SGMS1: variants seen among roughly 807,000 people sequenced by gnomAD.
SGMS1 encodes sphingomyelin synthase 1.
A neutral mutation model predicts 46.2 loss-of-function variants in SGMS1; 13 were observed. That is an observed-to-expected ratio of 0.28 (90% confidence interval 0.18 to 0.45). SGMS1 has a LOEUF of 0.45. SGMS1 is among the 20% of genes least tolerant of loss of function. The probability of loss-of-function intolerance (pLI) is 1.00; values close to 1 mark genes in which losing one functional copy is unlikely to be tolerated. For synonymous variants in SGMS1, 203 were observed against 187.8 expected (o/e 1.08, Z -0.66); for missense variants, 324 against 519.9 (o/e 0.62, Z 3.66).
rs187656423 is a variant in SGMS1 at position 50,427,380 on chromosome 10, C to G, written c.-232+6096G>C. Among the ~76,000 whole-genome samples the G allele has an allele frequency of 4.6e-5, 7 of 152,326 alleles. No homozygotes were observed. The East Asian group carries it at 1.4e-3, about 29-fold the overall frequency. On this transcript the variant is annotated intron_variant, in intron 6 of 10. Transcript: ENST00000361781. ...CGCCACAGCACTCCAGCCTGTGTAA[C>G]AGAGCGAGACTCCGTCACAACAACA...
chr10:50,447,611 GCTT>G (rs1162650894), intron 5 of SGMS1, among the ~76,000 whole-genome samples: 3 of 151,908 alleles, frequency 2.0e-5, no homozygotes, highest in East Asian at 1.9e-4. Flanking sequence ...TATTGTTTCT[GCTT>G]CTTTTTAAAT....
intron 8 of SGMS1, among the ~76,000 whole-genome samples, chr10:50,321,676 G>A (rs1847447777): frequency 6.6e-6 from 1 of 152,174 alleles, no homozygotes; most frequent in South Asian, 2.1e-4. Flanking sequence ...AGGATGGCAG[G>A]AAGTTATTTT....
intron 3 of SGMS1, among the ~76,000 whole-genome samples, chr10:50,480,528 T>C (rs1837466888): frequency 6.6e-6 from 1 of 152,094 alleles, no homozygotes; most frequent in Admixed American, 6.5e-5. Flanking sequence ...ACCCAGGAGC[T>C]GCACAGGGCA....
intron 1 of SGMS1, among the ~76,000 whole-genome samples, chr10:50,601,794 T>C (rs1204671957): frequency 2.0e-5 from 3 of 152,244 alleles, no homozygotes; most frequent in Non-Finnish European, 4.4e-5. Context: ...TTTGGATTAT[T>C]TGCATATACC....
chr10:50,413,824 T>C (rs76149040), intron 6 of SGMS1, among the ~76,000 whole-genome samples: 2 of 152,358 alleles, frequency 1.3e-5, no homozygotes, highest in East Asian at 3.9e-4. Context: ...TAAAACCTAG[T>C]TTAGTGAAGA....
At chr10:50,548,183 T>C (rs865894483) in intron 2 of SGMS1, among the ~76,000 whole-genome samples, 1 of 152,026 alleles carries the variant, frequency 6.6e-6, no homozygotes, top group Non-Finnish European at 1.5e-5. Context: ...CTACCATTGA[T>C]ATTCTTCATA....
intron 6 of SGMS1, among the ~76,000 whole-genome samples, chr10:50,377,992 C>T (rs1052195078): frequency 5.3e-5 from 8 of 152,184 alleles, no homozygotes; most frequent in African/African-American, 1.7e-4. Context: ...TTCTCAAGAG[C>T]CTTAATCACA....
At chr10:50,564,081 C>G (rs1474937900) in intron 2 of SGMS1, among the ~76,000 whole-genome samples, 9 of 152,270 alleles carry the variant, frequency 5.9e-5, no homozygotes, top group Admixed American at 3.3e-4. Flanking sequence ...CACCTAAACA[C>G]ATTCCTGTGA....
chr10:50,354,697 C>A (rs997548018), intron 6 of SGMS1, among the ~76,000 whole-genome samples: 2 of 152,124 alleles, frequency 1.3e-5, no homozygotes, highest in African/African-American at 4.8e-5. Flanking sequence ...ACTCATCTGA[C>A]AAAGGGCTAA....
chr10:50,327,490 A>C (rs961068062), intron 7 of SGMS1, among the ~76,000 whole-genome samples, 168 bp from the exon 8 acceptor site: 3 of 152,214 alleles, frequency 2.0e-5, no homozygotes, highest in Admixed American at 1.3e-4. Context: ...AGATTTTGAG[A>C]ATAACGTTGT....
chr10:50,386,889 T>C (rs1564898105), intron 6 of SGMS1, among the ~76,000 whole-genome samples: 1 of 152,280 alleles, frequency 6.6e-6, no homozygotes, highest in East Asian at 1.9e-4. Context: ...TTTAAAAGTA[T>C]AAGCTCACTA....
rs370846975 is a variant in SGMS1, at chr10:50,609,521, GTTTTTT to G, written c.-684+14180_-684+14185del. ...GGGCCCAACCAGTACCTTCTCAATAGTTTTTTTTTTTTTTTTTTTTTTACAAAGGCA... is the reference window on the plus strand; with the variant it reads ...GGGCCCAACCAGTACCTTCTCAATAGTTTTTTTTTTTTTTTTACAAAGGCA... On this transcript the variant is annotated intron_variant, in intron 1 of 10. Transcript: ENST00000361781. 4.3e-5 allele frequency among the ~76,000 whole-genome samples: 5 copies of G among 117,046 alleles called. No individual in the cohort carries two copies. The Admixed American group carries it at 4.5e-4, about 11-fold the overall frequency. 76.8% of individuals were successfully genotyped at this position (117,046 alleles called of 152,430 possible).
intron 3 of SGMS1, among the ~76,000 whole-genome samples, chr10:50,510,434 G>T (rs1474395051): frequency 1.3e-5 from 2 of 152,136 alleles, no homozygotes; most frequent in African/African-American, 4.8e-5. Flanking sequence ...TATGGTATAT[G>T]TTTAACTTTG....
At chr10:50,562,355 T>TGC (rs1554792514) in intron 2 of SGMS1, among the ~76,000 whole-genome samples, 26,455 of 133,190 alleles carry the variant, frequency 0.2, 2,540 homozygotes, top group African/African-American at 0.26. Context: ...TGTGTGTGTG[T>TGC]GCGCGCGCGC....
chr10:50,376,884 T>C (rs1004863300), intron 6 of SGMS1, among the ~76,000 whole-genome samples: 4 of 152,092 alleles, frequency 2.6e-5, no homozygotes, highest in South Asian at 2.1e-4. Flanking sequence ...ATAATGTCAA[T>C]GGGCATTTTT....
At chr10:50,551,646 C>T (rs552314169) in intron 2 of SGMS1, among the ~76,000 whole-genome samples, 1 of 152,136 alleles carries the variant, frequency 6.6e-6, no homozygotes, top group East Asian at 1.9e-4. Context: ...ACTATCTTTG[C>T]AACTTTTCTG....
intron 1 of SGMS1, among the ~76,000 whole-genome samples, chr10:50,611,871 C>T (rs1838752983): frequency 6.6e-6 from 1 of 152,154 alleles, no homozygotes; most frequent in Non-Finnish European, 1.5e-5. Flanking sequence ...GACACACTGG[C>T]ACCCCCCATC....
Position 50,370,889 on chromosome 10 carries a change from T to C in SGMS1, c.-231-26544A>G, listed in dbSNP as rs79524537. 2.6e-5 allele frequency among the ~76,000 whole-genome samples: 4 copies of C among 152,278 alleles called. No individual in the cohort carries two copies. The East Asian group carries it at 7.7e-4, about 29-fold the overall frequency. ...ACATGCATGAAGCTGTCATCTCCTGTGATAATGATGCCTTCCGGAATTCCT... is the reference window on the plus strand; with the variant it reads ...ACATGCATGAAGCTGTCATCTCCTGCGATAATGATGCCTTCCGGAATTCCT... On this transcript the variant is annotated intron_variant, in intron 6 of 10. Transcript: ENST00000361781.
At chr10:50,557,582 T>C (rs1375234988) in intron 2 of SGMS1, among the ~76,000 whole-genome samples, 3 of 150,460 alleles carry the variant, frequency 2.0e-5, no homozygotes, top group Non-Finnish European at 3.0e-5. Context: ...AAGGAAAATA[T>C]GCTTTAGCAG....
Sources: allele counts gnomAD v4.1 joint callset (sites outside exome capture counted in the v4.1 genomes callset), GRCh38; gene constraint gnomAD v4.1.1; transcripts MANE v1.5; gene names NCBI Gene and HGNC (gene_info 2026-07-23, HGNC 2026-07-21).